The following WNT5A variants were observed in gnomAD, a reference collection of about 807,000 sequenced individuals.
The protein encoded by WNT5A is Wnt family member 5A, also known as protein Wnt-5a.
WNT5A carries 9 observed loss-of-function variants against 42.1 expected under a neutral mutation model. That is an observed-to-expected ratio of 0.21 (90% CI 0.13 to 0.37). WNT5A has a LOEUF of 0.37. WNT5A is among the 10% of genes least tolerant of loss of function. The pLI is 1.00. For missense variants in WNT5A, 426 were observed against 534.0 expected (o/e 0.80, Z 1.99); for synonymous variants, 210 against 210.0 (o/e 1.00, Z 0.00).
rs908288616 is a variant in WNT5A, at chr3:55,480,848, A to G, written c.77T>C (p.Phe26Ser). Residue 26 changes from phenylalanine (F) to serine (S), a missense_variant, in exon 2 of 5, where the codon TTC (phenylalanine) becomes TCC (serine). Phe to Ser is a radical substitution (Grantham distance 155). Transcript: ENST00000264634. The stretch of plus-strand genomic sequence containing the variant: ...GAAAAATATGGCCAAAGCCACTAGG[A>G]AGAACTTGGAAGACATTGCACTTCC... ...MAGSAMSSKF[F>S]LVALAIFFSF... 6.3e-7 allele frequency: 1 copy of G among 1,587,432 alleles called. No individual in the cohort carries two copies. Among genetic ancestry groups the G allele is most frequent in the Non-Finnish European group, 8.6e-7 (1 of 1,165,440 alleles).
the WNT5A span, among the ~76,000 whole-genome samples, chr3:55,500,832 A>G: frequency 5.9e-5 from 9 of 152,202 alleles, no homozygotes; most frequent in Non-Finnish European, 1.0e-4. Context: ...TCAATAGAGG[A>G]CTTTCCTTAG....
Position 55,482,777 on chromosome 3 carries a change from C to G in WNT5A, c.7-1859G>C, listed in dbSNP as rs187502202. ...CTCCGGCTATCTCCCCACCCCCGCC[C>G]TAAGTGTCAAATTTCCTCCAGGGGA... On this transcript the variant is annotated intron_variant, in intron 1 of 4. Transcript: ENST00000264634. Among the ~76,000 whole-genome samples, 754 of 152,298 alleles carry G rather than the reference C, an allele frequency of 5.0e-3. 1 individual carries two copies. Among genetic ancestry groups the G allele is most frequent in the African/African-American group, 0.018 (734 of 41,572 alleles).
At chr3:55,481,236 AC>A in intron 1 of WNT5A, 1 of 966,648 alleles carries the variant, frequency 1.0e-6, no homozygotes, top group Non-Finnish European at 1.3e-6. Flanking sequence ...CGAGTCCCGC[AC>A]CCCCTGGCCC....
At chr3:55,489,442 C>T (rs2051633113), upstream of WNT5A, among the ~76,000 whole-genome samples, 2 of 151,914 alleles carry the variant, frequency 1.3e-5, no homozygotes, top group Admixed American at 6.6e-5. Flanking sequence ...CCCACCTCCA[C>T]CCCCACACCC....
chr3:55,475,181 C>A (rs991092389), intron 3 of WNT5A, among the ~76,000 whole-genome samples: 5 of 152,168 alleles, frequency 3.3e-5, no homozygotes, highest in Non-Finnish European at 7.4e-5. Context: ...TCAAAACTTG[C>A]TATTTGCAAA....
upstream of WNT5A, chr3:55,487,531 C>T (rs2051601042): frequency 6.5e-6 from 1 of 153,578 alleles, no homozygotes; most frequent in African/African-American, 2.4e-5. Context: ...ATTCACACCA[C>T]AGATTCTGCA....
the WNT5A span, among the ~76,000 whole-genome samples, chr3:55,495,732 C>T: frequency 1.6e-4 from 24 of 152,158 alleles, no homozygotes; most frequent in Admixed American, 1.3e-3. Context: ...CTGGATCATA[C>T]GGTAGTTTTT....
intron 1 of WNT5A, among the ~76,000 whole-genome samples, chr3:55,485,330 A>G (rs753241104): frequency 1.3e-5 from 2 of 151,772 alleles, no homozygotes; most frequent in East Asian, 3.9e-4. Context: ...TTCTGCGCGC[A>G]TAGTGCTAAC....
intron 1 of WNT5A, 45 bp downstream of exon 1, chr3:55,486,935 T>C (rs776435055): frequency 6.8e-6 from 9 of 1,330,936 alleles, no homozygotes; most frequent in African/African-American, 3.4e-5. Context: ...CAACAGGGGG[T>C]GGGGGGAAGT....
chr3:55,499,581 T>C, the WNT5A span, among the ~76,000 whole-genome samples: 1 of 152,222 alleles, frequency 6.6e-6, no homozygotes, highest in East Asian at 1.9e-4. Flanking sequence ...ATTTAAATGG[T>C]TTAAGTAAAC....
At chr3:55,484,577 C>T (rs1052940299) in intron 1 of WNT5A, among the ~76,000 whole-genome samples, 3 of 152,128 alleles carry the variant, frequency 2.0e-5, no homozygotes, top group African/African-American at 7.2e-5. Context: ...ACAGCAGGTT[C>T]CAGGTTCGGG....
intron 4 of WNT5A, among the ~76,000 whole-genome samples, chr3:55,473,204 A>C (rs2051284583): frequency 6.6e-6 from 1 of 152,144 alleles, no homozygotes; most frequent in African/African-American, 2.4e-5. Flanking sequence ...TCTGGGCCTC[A>C]GTTTCCTAGT....
intron 4 of WNT5A, among the ~76,000 whole-genome samples, chr3:55,470,987 C>G (rs1295287491): frequency 6.6e-6 from 1 of 152,116 alleles, no homozygotes; most frequent in Non-Finnish European, 1.5e-5. Flanking sequence ...AGCCACTCAC[C>G]CAACTCCCGG....
intron 4 of WNT5A, among the ~76,000 whole-genome samples, chr3:55,472,110 C>A (rs2682454): frequency 0.58 from 88,766 of 151,808 alleles, 26,890 homozygotes; most frequent in African/African-American, 0.74. Context: ...CATCCCAGAG[C>A]AAAAAAAACT....
chr3:55,479,533 A>G lies in WNT5A; in HGVS notation c.172T>C (p.Ser58Pro). 1 of 1,612,538 alleles carries G rather than the reference A, an allele frequency of 6.2e-7. No individual in the cohort carries two copies. The highest frequency in any genetic ancestry group is 8.5e-7 in the Non-Finnish European group (1 of 1,179,062). Residue 58 changes from serine (S) to proline (P), a missense_variant, in exon 3 of 5, where the codon TCA becomes CCA. Ser to Pro is a moderately conservative substitution (Grantham distance 74). Around this residue, in one of 3 missense-constraint regions of WNT5A, gnomAD observed 358 missense variants for 468.1 expected, o/e 0.76. Transcript: ENST00000264634. ...TGTGCTCCTATAATATATACTTCTG[A>G]CATCTGAACAGGGTTATTCATACCT... ...SLGMNNPVQM[S>P]EVYIIGAQPL...
intron 1 of WNT5A, among the ~76,000 whole-genome samples, chr3:55,481,982 G>A (rs781384443): frequency 1.3e-4 from 20 of 152,268 alleles, no homozygotes; most frequent in Non-Finnish European, 2.6e-4. Flanking sequence ...TCCTGATCTG[G>A]GGTTGTGGGC....
chr3:55,471,453 G>A (rs1009367853), intron 4 of WNT5A, among the ~76,000 whole-genome samples: 1 of 152,158 alleles, frequency 6.6e-6, no homozygotes, highest in South Asian at 2.1e-4. Flanking sequence ...GCACCTTTCC[G>A]GGCCTCTGTT....
At chr3:55,473,373 A>G (rs889341489) in intron 4 of WNT5A, among the ~76,000 whole-genome samples, 1 of 152,204 alleles carries the variant, frequency 6.6e-6, no homozygotes, top group Non-Finnish European at 1.5e-5. Context: ...GTGAAAAAAT[A>G]ATGGCCCTGG....
At chr3:55,472,649 G>C (rs187836017) in intron 4 of WNT5A, among the ~76,000 whole-genome samples, 47 of 152,288 alleles carry the variant, frequency 3.1e-4, no homozygotes, top group African/African-American at 1.0e-3. Flanking sequence ...CACTCTGTCT[G>C]TGGCAATTAT....
Sources: allele counts gnomAD v4.1 joint callset (sites outside exome capture counted in the v4.1 genomes callset), GRCh38; gene constraint gnomAD v4.1.1; regional missense constraint gnomAD v4.1.1; transcripts MANE v1.5; gene names NCBI Gene and HGNC (gene_info 2026-07-23, HGNC 2026-07-21).